The following HSD17B12 variants were observed in gnomAD, a reference collection of about 807,000 sequenced individuals.
The protein encoded by HSD17B12 is hydroxysteroid 17-beta dehydrogenase 12, also known as very-long-chain 3-oxoacyl-CoA reductase.
Under a neutral mutation model 39.3 loss-of-function variants are expected in HSD17B12, and 32 were observed. That is an observed-to-expected ratio of 0.81 (90% CI 0.61 to 1.09). The LOEUF (loss-of-function observed/expected upper bound fraction) is 1.09. Among genes scored for constraint, HSD17B12 ranks in the 50% least tolerant of loss-of-function variants. The pLI is 0.00. For missense variants in HSD17B12, 342 were observed against 382.9 expected, an observed-to-expected ratio of 0.89 and a Z score of 0.89; for synonymous variants, 150 against 146.7, an observed-to-expected ratio of 1.02 and a Z score of -0.16.
intron 1 of HSD17B12, among the ~76,000 whole-genome samples, chr11:43,748,477 G>A (rs1439819608): frequency 2.6e-5 from 4 of 151,990 alleles, no homozygotes; most frequent in Non-Finnish European, 5.9e-5. Flanking sequence ...GAGGGAAAGG[G>A]GGTGAGTTGA....
chr11:43,668,238 C>A, the HSD17B12 span, among the ~76,000 whole-genome samples: 1 of 152,170 alleles, frequency 6.6e-6, no homozygotes, highest in Non-Finnish European at 1.5e-5. Flanking sequence ...AAGTTAATTT[C>A]CTTGCCTTTT....
intron 1 of HSD17B12, among the ~76,000 whole-genome samples, chr11:43,685,000 T>C (rs1303897576): frequency 6.6e-6 from 1 of 152,204 alleles, no homozygotes; most frequent in Non-Finnish European, 1.5e-5. Context: ...TTGCATAATG[T>C]TTTCAAGTTT....
chr11:43,694,028 T>C (rs1949887445), intron 1 of HSD17B12, among the ~76,000 whole-genome samples: 1 of 152,240 alleles, frequency 6.6e-6, no homozygotes, highest in African/African-American at 2.4e-5. Context: ...AAAAGCCACA[T>C]TGGGCTAGAC....
At chr11:43,832,701 C>A (rs117627355) in intron 7 of HSD17B12, among the ~76,000 whole-genome samples, 2,568 of 152,186 alleles carry the variant, frequency 0.017, 34 homozygotes, top group Non-Finnish European at 0.027. Flanking sequence ...TTTAGTCAAG[C>A]GTCTCAAGGA....
intron 1 of HSD17B12, among the ~76,000 whole-genome samples, chr11:43,689,638 T>A (rs1241680628): frequency 1.3e-5 from 2 of 152,106 alleles, no homozygotes; most frequent in Non-Finnish European, 2.9e-5. Flanking sequence ...CCTCTGCCTC[T>A]CAGGTTCAAG....
chr11:43,711,945 G>C (rs1432006344), intron 1 of HSD17B12, among the ~76,000 whole-genome samples: 1 of 152,212 alleles, frequency 6.6e-6, no homozygotes, highest in East Asian at 1.9e-4. Context: ...CATCTGAATG[G>C]ACTCCCTCAT....
At chr11:43,559,776 C>T in the HSD17B12 span, 1 of 155,914 alleles carries the variant, frequency 6.4e-6, no homozygotes, top group African/African-American at 2.4e-5. Context: ...AGCATTACAG[C>T]AAGCAGGTGT....
At chr11:43,816,136 G>A (rs930703526) in intron 5 of HSD17B12, among the ~76,000 whole-genome samples, 1 of 152,084 alleles carries the variant, frequency 6.6e-6, no homozygotes, top group African/African-American at 2.4e-5. Context: ...TTTGGATTCT[G>A]CATGTTAGCA....
the HSD17B12 span, among the ~76,000 whole-genome samples, chr11:43,623,027 A>G: frequency 9.7e-3 from 1,480 of 152,272 alleles, 23 homozygotes; most frequent in African/African-American, 0.035. Flanking sequence ...GAAGTTTTTC[A>G]GCAGCAATTT....
chr11:43,647,134 C>G, the HSD17B12 span, among the ~76,000 whole-genome samples: 5 of 151,864 alleles, frequency 3.3e-5, no homozygotes, highest in South Asian at 4.1e-4. Context: ...GGAACATGAC[C>G]AAAAAAATTT....
At chr11:43,829,496 C>A (rs1320357005) in intron 6 of HSD17B12, among the ~76,000 whole-genome samples, 4 of 152,128 alleles carry the variant, frequency 2.6e-5, no homozygotes, top group African/African-American at 9.7e-5. Flanking sequence ...TTAATATATA[C>A]ATGACATGCA....
rs148438453 is a variant in HSD17B12, at chr11:43,764,559, C to T, written c.283+10438C>T. On this transcript the variant is annotated intron_variant, in intron 3 of 10. Coordinates refer to ENST00000278353, the MANE Select transcript of HSD17B12 (RefSeq NM_016142.3). Reference sequence around the variant, plus strand: ...ATTTTGAGAGGGGCAATGAAATCACCGACTATAATTATGGATTTGTCCTTC... The same window carrying T: ...ATTTTGAGAGGGGCAATGAAATCACTGACTATAATTATGGATTTGTCCTTC... Among the ~76,000 whole-genome samples, 337 of 152,130 alleles carry T rather than the reference C, an allele frequency of 2.2e-3. 1 individual carries two copies. The highest frequency in any genetic ancestry group is 7.7e-3 in the African/African-American group (319 of 41,532).
chr11:43,667,985 G>A, the HSD17B12 span, among the ~76,000 whole-genome samples: 106 of 152,278 alleles, frequency 7.0e-4, 1 homozygote, highest in East Asian at 2.3e-3. Flanking sequence ...GCTTTTGAGG[G>A]CTGTAGAGAA....
intron 1 of HSD17B12, among the ~76,000 whole-genome samples, chr11:43,699,660 T>C (rs1277606006): frequency 6.6e-6 from 1 of 152,208 alleles, no homozygotes; most frequent in Admixed American, 6.5e-5. Context: ...GTTCCTATTT[T>C]AGTTTGGGTT....
the HSD17B12 span, among the ~76,000 whole-genome samples, chr11:43,641,532 A>C: frequency 6.6e-6 from 1 of 152,000 alleles, no homozygotes; most frequent in Non-Finnish European, 1.5e-5. Context: ...TTGTGCAGTA[A>C]CAGGCAAACT....
intron 1 of HSD17B12, among the ~76,000 whole-genome samples, chr11:43,706,233 G>T (rs1324311991): frequency 6.6e-6 from 1 of 152,106 alleles, no homozygotes; most frequent in Non-Finnish European, 1.5e-5. Flanking sequence ...AGTCTAAAAG[G>T]ACTCTAGGAT....
At chr11:43,557,045 G>A in the HSD17B12 span, 1 of 152,130 alleles carries the variant, frequency 6.6e-6, no homozygotes. Flanking sequence ...GAGTAGATTT[G>A]TATGACTGAC....
the HSD17B12 span, among the ~76,000 whole-genome samples, chr11:43,651,757 T>A: frequency 6.6e-6 from 1 of 152,144 alleles, no homozygotes. Flanking sequence ...TTTTTTACTT[T>A]TAGTAGAGAC....
chr11:43,836,049 C>T (rs1951367840), intron 7 of HSD17B12, among the ~76,000 whole-genome samples: 1 of 152,000 alleles, frequency 6.6e-6, no homozygotes, highest in Non-Finnish European at 1.5e-5. Flanking sequence ...TAAATTTTAC[C>T]TTTTACAGAT....
Sources: allele counts gnomAD v4.1 joint callset (sites outside exome capture counted in the v4.1 genomes callset), GRCh38; gene constraint gnomAD v4.1.1; transcripts MANE v1.5; gene names NCBI Gene and HGNC (gene_info 2026-07-23, HGNC 2026-07-21).